Variants in ROBO2 observed in about 807,000 individuals in gnomAD.
The protein encoded by ROBO2 is roundabout guidance receptor 2.
Under a neutral mutation model 160.8 loss-of-function variants are expected in ROBO2, and 53 were observed. The observed-to-expected ratio is 0.33, with a 90% CI of 0.26 to 0.41. The LOEUF (loss-of-function observed/expected upper bound fraction) is 0.41, where lower values mean the gene tolerates loss of function less well. Ranked by LOEUF, ROBO2 falls within the 10% of genes least tolerant of loss-of-function variation. ROBO2 has a pLI of 1.00. For synonymous variants in ROBO2, 664 were observed against 611.7 expected (o/e 1.09, Z -1.26); for missense variants, 1,577 against 1,722.4 (o/e 0.92, Z 1.49).
chr3:77,624,738 G>A (rs2094972162), intron 23 of ROBO2, among the ~76,000 whole-genome samples: 1 of 152,074 alleles, frequency 6.6e-6, no homozygotes, highest in Non-Finnish European at 1.5e-5. Context: ...GAATAAATTA[G>A]TCATTACCTC....
At chr3:76,981,886 G>C (rs2060118219) in intron 2 of ROBO2, among the ~76,000 whole-genome samples, 2 of 151,980 alleles carry the variant, frequency 1.3e-5, no homozygotes, top group Non-Finnish European at 2.9e-5. Flanking sequence ...AGTTTTAAAT[G>C]ACCAGCTCTC....
At chr3:75,940,097 C>T (rs1559769563) in intron 2 of ROBO2, among the ~76,000 whole-genome samples, 1 of 152,140 alleles carries the variant, frequency 6.6e-6, no homozygotes, top group Non-Finnish European at 1.5e-5. Context: ...ATACTTTCTA[C>T]ACAACCTCTT....
intron 5 of ROBO2, among the ~76,000 whole-genome samples, chr3:77,496,690 A>G (rs949730358): frequency 1.3e-5 from 2 of 152,130 alleles, no homozygotes; most frequent in African/African-American, 4.8e-5. Flanking sequence ...GCCTGTAATT[A>G]CTATGTAAGT....
At chr3:76,219,912 G>T (rs1251054658) in intron 2 of ROBO2, among the ~76,000 whole-genome samples, 1 of 151,956 alleles carries the variant, frequency 6.6e-6, no homozygotes. Flanking sequence ...CAATAGCAAA[G>T]ACTTGGAACC....
chr3:77,540,784 C>T (rs2092425634), intron 6 of ROBO2, among the ~76,000 whole-genome samples: 1 of 152,120 alleles, frequency 6.6e-6, no homozygotes, highest in Non-Finnish European at 1.5e-5. Flanking sequence ...GAGTAAGATT[C>T]AGTTTACTGG....
intron 2 of ROBO2, among the ~76,000 whole-genome samples, chr3:76,771,009 C>T (rs1441362467): frequency 1.3e-5 from 2 of 151,390 alleles, no homozygotes; most frequent in Middle Eastern, 3.4e-3. Flanking sequence ...ATTTATGATA[C>T]TGAGATGTTT....
Position 75,943,301 on chromosome 3 carries a change from T to G in ROBO2, c.109+5699T>G, listed in dbSNP as rs1394663572. Reference sequence around the variant, plus strand: ...TGATTTCTTTCACATTTGTTTAACTTAATTTGTTCTTTAAGGTACATCTCC... The same window carrying G: ...TGATTTCTTTCACATTTGTTTAACTGAATTTGTTCTTTAAGGTACATCTCC... On this transcript the variant is annotated intron_variant, in intron 2 of 26. Transcript: ENST00000487694. Among the ~76,000 whole-genome samples the G allele has an allele frequency of 3.9e-5, 6 of 152,188 alleles. No homozygotes were observed. In the South Asian group the frequency reaches 1.0e-3, roughly 26 times the overall value.
chr3:76,474,116 G>C (rs2078809412), intron 2 of ROBO2, among the ~76,000 whole-genome samples: 1 of 152,048 alleles, frequency 6.6e-6, no homozygotes, highest in South Asian at 2.1e-4. Flanking sequence ...AGACATAATT[G>C]AATTATAAAT....
At chr3:76,935,746 T>C (rs2077657906) in intron 2 of ROBO2, among the ~76,000 whole-genome samples, 1 of 152,170 alleles carries the variant, frequency 6.6e-6, no homozygotes, top group Non-Finnish European at 1.5e-5. Flanking sequence ...TGAGACCTCT[T>C]TTATAAGGGC....
chr3:77,331,969 G>C (rs2066010395), intron 2 of ROBO2, among the ~76,000 whole-genome samples: 1 of 152,156 alleles, frequency 6.6e-6, no homozygotes, highest in East Asian at 1.9e-4. Context: ...GCCTCCCAAA[G>C]TGCTGGGATT....
At chr3:77,251,002 G>C (rs1448194582) in intron 2 of ROBO2, among the ~76,000 whole-genome samples, 1 of 152,104 alleles carries the variant, frequency 6.6e-6, no homozygotes, top group Non-Finnish European at 1.5e-5. Flanking sequence ...CTCCAGGGTT[G>C]CAGTCTCATG....
chr3:76,788,436 A>G (rs898032843), intron 2 of ROBO2, among the ~76,000 whole-genome samples: 2 of 151,488 alleles, frequency 1.3e-5, no homozygotes, highest in Non-Finnish European at 3.0e-5. Flanking sequence ...ACCAAGTAAG[A>G]AAAACTAGGC....
intron 1 of ROBO2, among the ~76,000 whole-genome samples, chr3:77,053,648 C>T (rs1383503513): frequency 1.3e-5 from 2 of 152,158 alleles, no homozygotes; most frequent in African/African-American, 4.8e-5. Context: ...TAAATCTCAA[C>T]ATTGGAATAC....
At chr3:76,364,163 C>T (rs768948755) in intron 2 of ROBO2, among the ~76,000 whole-genome samples, 4 of 152,006 alleles carry the variant, frequency 2.6e-5, no homozygotes, top group Admixed American at 6.6e-5. Context: ...TTGCATTTTC[C>T]GTGTCCTCTG....
chr3:77,568,817 C>A (rs577264819), intron 13 of ROBO2, among the ~76,000 whole-genome samples: 41 of 152,078 alleles, frequency 2.7e-4, no homozygotes, highest in African/African-American at 9.4e-4. Flanking sequence ...TCTCTCATTT[C>A]CCCTACCGTA....
At chr3:75,974,494 T>C (rs547298462) in intron 2 of ROBO2, among the ~76,000 whole-genome samples, 14 of 151,540 alleles carry the variant, frequency 9.2e-5, no homozygotes, top group Non-Finnish European at 1.8e-4. Context: ...GTTTTGGGGG[T>C]TAAAATCCAT....
At chr3:75,996,772 G>GAT (rs889801984) in intron 2 of ROBO2, among the ~76,000 whole-genome samples, 7 of 81,970 alleles carry the variant, frequency 8.5e-5, no homozygotes, top group Non-Finnish European at 2.2e-4. Flanking sequence ...CATCAATTCT[G>GAT]ATATATGTAA....
intron 2 of ROBO2, among the ~76,000 whole-genome samples, chr3:76,192,980 A>T (rs1260448406): frequency 6.6e-6 from 1 of 152,164 alleles, no homozygotes; most frequent in Non-Finnish European, 1.5e-5. Context: ...TAAATATGGT[A>T]AATAAGTTCA....
intron 1 of ROBO2, among the ~76,000 whole-genome samples, chr3:77,093,343 A>C (rs2070585056): frequency 6.6e-6 from 1 of 152,226 alleles, no homozygotes; most frequent in South Asian, 2.1e-4. Context: ...TGTGATGAAC[A>C]ACCCCCACTC....
Sources: gnomAD v4.1 joint callset for allele counts (sites outside exome capture counted in the v4.1 genomes callset) on GRCh38, gnomAD v4.1.1 for gene constraint, MANE v1.5 for transcripts, NCBI Gene and HGNC (gene_info 2026-07-23, HGNC 2026-07-21) for gene names.